The following PLEKHM1 variants were observed in gnomAD, a reference collection of about 807,000 sequenced individuals.
PLEKHM1 encodes pleckstrin homology domain-containing family M member 1.
PLEKHM1 carries 28 observed loss-of-function variants against 94.3 expected under a neutral mutation model. The observed-to-expected ratio is 0.30, with a 90% CI of 0.22 to 0.41. The LOEUF (loss-of-function observed/expected upper bound fraction) is 0.41. PLEKHM1 is among the 10% of genes least tolerant of loss of function. The probability of loss-of-function intolerance (pLI) is 1.00; values close to 1 mark genes in which losing one functional copy is unlikely to be tolerated. For missense variants in PLEKHM1, 907 were observed against 1,358.6 expected, an observed-to-expected ratio of 0.67 and a Z score of 5.22; for synonymous variants, 424 against 581.2, an observed-to-expected ratio of 0.73 and a Z score of 3.89.
chr17:45,481,095 C>T (rs1406966489), intron 2 of PLEKHM1, among the ~76,000 whole-genome samples: 3 of 152,086 alleles, frequency 2.0e-5, no homozygotes, highest in African/African-American at 7.2e-5. Flanking sequence ...TTTTTTATTA[C>T]AGCCATCCTA....
In PLEKHM1 at chr17:45,477,990, G is replaced by C; in HGVS notation, c.206C>G (p.Ala69Gly). 5.6e-6 allele frequency: 9 copies of C among 1,614,104 alleles called. No individual in the cohort carries two copies. Among genetic ancestry groups the C allele is most frequent in the Non-Finnish European group, 7.6e-6 (9 of 1,179,948 alleles). The change falls in exon 3 of 12, where the codon GCT becomes GGT. Residue 69 changes from alanine (A) to glycine (G), a missense_variant. By Grantham distance (60) the Ala-to-Gly change is moderately conservative. Coordinates refer to ENST00000430334, the MANE Select transcript of PLEKHM1 (RefSeq NM_014798.3). ...IHGLHAKHIRAEAGGKRKKSA... is the reference protein window; with the variant it reads ...IHGLHAKHIRGEAGGKRKKSA... ...TTTCTTCCTTTTTCCTCCGGCCTCA[G>C]CTCGGATGTGCTTGGCGTGCAGGCC... is the stretch of plus-strand genomic sequence containing the variant.
chr17:45,470,450 GA>G (rs1450019217), intron 4 of PLEKHM1, among the ~76,000 whole-genome samples: 1 of 152,294 alleles, frequency 6.6e-6, no homozygotes, highest in African/African-American at 2.4e-5. Context: ...CCAACATAGT[GA>G]AACCCTGTTT....
intron 7 of PLEKHM1, chr17:45,452,797 T>G (rs1167576635): frequency 5.9e-6 from 1 of 168,462 alleles, no homozygotes; most frequent in African/African-American, 2.4e-5. Context: ...CAAATGAATT[T>G]AAATAGAAAA....
intron 6 of PLEKHM1, chr17:45,454,483 A>G (rs568871877): frequency 4.6e-4 from 292 of 631,424 alleles, no homozygotes; most frequent in Non-Finnish European, 7.7e-4. Context: ...TGCGTCCTGT[A>G]TTTCACTGAG....
chr17:45,475,513 G>T lies in PLEKHM1; in HGVS notation c.510C>A (p.Gly170=). 6.2e-7 allele frequency: 1 copy of T among 1,611,684 alleles called. No individual in the cohort carries two copies. The highest frequency in any genetic ancestry group is 8.5e-7 in the Non-Finnish European group (1 of 1,177,888). ...AGAGTTCGAAGGACAAGGACGTGAG[G>T]CCCTGCAGGAAGCTAAGGAGGAACT... is the stretch of plus-strand genomic sequence containing the variant. ...EGEFLLSFLQ[G]LTSLSFELSY... The change falls in exon 4 of 12, where the codon GGC becomes GGA. Residue 170 remains glycine, a synonymous_variant. Coordinates refer to ENST00000430334, the MANE Select transcript of PLEKHM1 (RefSeq NM_014798.3).
Position 45,444,246 on chromosome 17 carries a change from T to C in PLEKHM1, c.2837+1224A>G, listed in dbSNP as rs868035400. On this transcript the variant is annotated intron_variant, in intron 9 of 11. Coordinates refer to ENST00000430334, the MANE Select transcript of PLEKHM1 (RefSeq NM_014798.3). This position sits in a 1 kb window ranked among gnomAD's most constrained non-coding sequence, Gnocchi z 5.0. ...CCCCAGAAACCCAGCAGAGGTTGAT[T>C]TGAAGCCCATTCTGGGCAGTAGGCA... Among the ~76,000 whole-genome samples the C allele has an allele frequency of 2.6e-5, 4 of 152,146 alleles. No individual in the cohort carries two copies. The highest frequency in any genetic ancestry group is 5.9e-5 in the Non-Finnish European group (4 of 68,004).
At chr17:45,461,397 G>A (rs1212141053) in intron 5 of PLEKHM1, among the ~76,000 whole-genome samples, 2 of 152,198 alleles carry the variant, frequency 1.3e-5, no homozygotes, top group African/African-American at 4.8e-5. Flanking sequence ...TTTTGATAAA[G>A]TCTAGTTTAT....
At chr17:45,470,558 C>T (rs78025221) in intron 4 of PLEKHM1, among the ~76,000 whole-genome samples, 6 of 149,468 alleles carry the variant, frequency 4.0e-5, no homozygotes, top group African/African-American at 1.2e-4. Flanking sequence ...GAACCCGGGA[C>T]GGGGAGGCTG....
chr17:45,442,436 C>G (rs894069319), intron 9 of PLEKHM1, among the ~76,000 whole-genome samples: 79 of 152,140 alleles, frequency 5.2e-4, no homozygotes, highest in African/African-American at 1.8e-3. Flanking sequence ...GACAGAGTCT[C>G]ACTCTGTCTC....
At chr17:45,454,396 C>T (rs2050881338) in intron 6 of PLEKHM1, 124 bp from the exon 7 acceptor site, 2 of 851,504 alleles carry the variant, frequency 2.3e-6, no homozygotes. Flanking sequence ...GAACACAGGC[C>T]AGCCACGGGG....
chr17:45,437,751 G>C lies in PLEKHM1; in HGVS notation c.*107C>G. On this transcript the variant is annotated 3_prime_UTR_variant, in exon 12 of 12. Coordinates refer to ENST00000430334, the MANE Select transcript of PLEKHM1 (RefSeq NM_014798.3). This position sits in a 1 kb window ranked among gnomAD's most constrained non-coding sequence, Gnocchi z 4.0. ...CACATCTGAGGGTCTTCCTGACAAG[G>C]GGACACAGCTGTGACACGGTGAGTA... 2.2e-6 allele frequency: 2 copies of C among 891,966 alleles called. No homozygotes were observed. The highest frequency in any genetic ancestry group is 3.7e-6 in the Non-Finnish European group (2 of 534,582). The allele number at this position is 891,966 out of a possible 1,614,324, so 55.3% of individuals were successfully genotyped here. A position where few individuals can be genotyped will look rare whatever the true frequency, so the allele number is the denominator to read the frequency against.
intron 4 of PLEKHM1, among the ~76,000 whole-genome samples, chr17:45,473,170 C>G (rs565818770): frequency 2.0e-5 from 3 of 152,012 alleles, no homozygotes; most frequent in Non-Finnish European, 4.4e-5. Flanking sequence ...GAGATAGCTA[C>G]GCAGAACTAA....
At position 45,445,855 on chromosome 17, in the gene PLEKHM1, G is replaced by A. The variant is rs2050591053; in HGVS notation, c.2644-192C>T. On this transcript the variant is annotated intron_variant, in intron 8 of 11. Transcript: ENST00000430334. This position sits in a 1 kb window ranked among gnomAD's most constrained non-coding sequence, Gnocchi z 4.2. Reference sequence around the variant, plus strand: ...CTTGTAAATGGTACAGTCAAGCTCTGAACCCAGTTTATCTGACTCCCAAAC... The same window carrying A: ...CTTGTAAATGGTACAGTCAAGCTCTAAACCCAGTTTATCTGACTCCCAAAC... 6.6e-6 allele frequency among the ~76,000 whole-genome samples: 1 copy of A among 152,184 alleles called. No individual in the cohort carries two copies. Among genetic ancestry groups the A allele is most frequent in the African/African-American group, 2.4e-5 (1 of 41,428 alleles).
At chr17:45,479,315 C>T (rs147183429) in intron 2 of PLEKHM1, among the ~76,000 whole-genome samples, 3,314 of 152,030 alleles carry the variant, frequency 0.022, 54 homozygotes, top group Middle Eastern at 0.048. Flanking sequence ...GTCAGAAGAT[C>T]GAGACCATCC....
rs1457168164 is a variant in PLEKHM1 at position 45,439,510 on chromosome 17, A to G, written c.3026T>C (p.Ile1009Thr). The G allele has an allele frequency of 6.2e-7, 1 of 1,614,188 alleles. No homozygotes were observed. Among genetic ancestry groups the G allele is most frequent in the Non-Finnish European group, 8.5e-7 (1 of 1,180,028 alleles). ...GGTGTCAAACTCAAAGGGGAAGATG[A>G]TGTCGTGGTGCTGGCAGATCTGGCA... ...FICQICQHHD[I>T]IFPFEFDTTV... Residue 1009 changes from isoleucine to threonine, a missense_variant, in exon 11 of 12, where the codon ATC becomes ACC. This residue lies in a region of PLEKHM1 where 254 missense variants were observed against 451.1 expected (regional missense o/e 0.56). Coordinates refer to ENST00000430334, the MANE Select transcript of PLEKHM1 (RefSeq NM_014798.3).
chr17:45,485,507 A>G (rs1473412133), intron 1 of PLEKHM1, among the ~76,000 whole-genome samples: 1 of 152,130 alleles, frequency 6.6e-6, no homozygotes, highest in African/African-American at 2.4e-5. Context: ...GACCTCATTA[A>G]CTAATTAGCT....
intron 5 of PLEKHM1, among the ~76,000 whole-genome samples, chr17:45,459,199 A>G (rs1212611836): frequency 6.6e-6 from 1 of 152,170 alleles, no homozygotes; most frequent in African/African-American, 2.4e-5. Context: ...GAGTTGGGCA[A>G]TCGTCACCAC....
rs2051032937 is a variant in PLEKHM1, at chr17:45,458,288, T to C, written c.1460A>G (p.Lys487Arg). 2.5e-6 allele frequency: 4 copies of C among 1,612,822 alleles called. No homozygotes were observed. In the East Asian group the frequency reaches 6.7e-5, roughly 27 times the overall value. ...LHRHFSQEPR[K>R]NCSLGALDQA... The stretch of plus-strand genomic sequence containing the variant: ...GTCTAACGCCCCCAGGGAGCAGTTT[T>C]TTCTTGGTTCTTGAGAAAAATGCCT... Residue 487 changes from lysine to arginine, a missense_variant, in exon 6 of 12, where the codon AAA becomes AGA. Lys to Arg is a conservative substitution (Grantham distance 26, BLOSUM62 2). Around this residue, in one of 3 missense-constraint regions of PLEKHM1, gnomAD observed 477 missense variants for 601.5 expected, o/e 0.79. Coordinates refer to ENST00000430334, the MANE Select transcript of PLEKHM1 (RefSeq NM_014798.3).
intron 5 of PLEKHM1, chr17:45,459,525 G>A (rs2051087486): frequency 1.3e-5 from 2 of 150,264 alleles, no homozygotes; most frequent in South Asian, 4.3e-4. Context: ...TCCACTCCTC[G>A]GCTGATGGAC....
Sources: gnomAD v4.1 joint callset for allele counts (sites outside exome capture counted in the v4.1 genomes callset) on GRCh38, gnomAD v4.1.1 for gene constraint, gnomAD v4.1.1 regional missense constraint, Gnocchi (gnomAD v3.1) non-coding constraint, MANE v1.5 for transcripts, NCBI Gene and HGNC (gene_info 2026-07-23, HGNC 2026-07-21) for gene names.